SLC22A15: variants seen among roughly 807,000 people sequenced by gnomAD.
The protein encoded by SLC22A15 is solute carrier family 22 member 15, also known as flipt 1.
Under a neutral mutation model 62.7 loss-of-function variants are expected in SLC22A15, and 45 were observed. That is an observed-to-expected ratio of 0.72 (90% CI 0.56 to 0.92). The LOEUF (loss-of-function observed/expected upper bound fraction) is 0.92, where lower values mean the gene tolerates loss of function less well. Ranked by LOEUF, SLC22A15 falls within the 40% of genes least tolerant of loss-of-function variation. The probability of loss-of-function intolerance (pLI) is 0.00; values close to 1 mark genes in which losing one functional copy is unlikely to be tolerated. For synonymous variants in SLC22A15, 264 were observed against 267.0 expected, an observed-to-expected ratio of 0.99 and a Z score of 0.11; for missense variants, 622 against 665.6, an observed-to-expected ratio of 0.93 and a Z score of 0.72.
chr1:115,999,014 C>T (rs982875281), intron 2 of SLC22A15, among the ~76,000 whole-genome samples: 1 of 152,014 alleles, frequency 6.6e-6, no homozygotes, highest in African/African-American at 2.4e-5. Context: ...AAATTTTCTT[C>T]TTAATTTCTT....
intron 8 of SLC22A15, among the ~76,000 whole-genome samples, chr1:116,046,539 G>A (rs902168279): frequency 5.9e-5 from 9 of 152,178 alleles, no homozygotes; most frequent in East Asian, 1.9e-4. Context: ...TCATCATGGC[G>A]GACAGAAAGC....
intron 2 of SLC22A15, among the ~76,000 whole-genome samples, chr1:116,004,899 G>T (rs1655902214): frequency 6.6e-6 from 1 of 152,094 alleles, no homozygotes; most frequent in African/African-American, 2.4e-5. Flanking sequence ...AGTTGTGGTT[G>T]TTTGTACTTT....
chr1:115,977,400 T>C (rs1239262897), intron 1 of SLC22A15, among the ~76,000 whole-genome samples: 2 of 152,232 alleles, frequency 1.3e-5, no homozygotes, highest in Non-Finnish European at 2.9e-5. Flanking sequence ...CAGAACCTAC[T>C]TGTACACCCC....
Position 116,026,898 on chromosome 1 carries a change from A to G in SLC22A15, c.604A>G (p.Ile202Val). The G allele has an allele frequency of 6.2e-7, 1 of 1,612,974 alleles. No individual in the cohort carries two copies. The highest frequency in any genetic ancestry group is 1.1e-5 in the South Asian group (1 of 91,012). ...TTCTCTTTTCCCTGAATTAGGATCG[A>G]TTGGCGGCCTGTTCTTTGCAGTTGG... ...GTAYWALAGS[I>V]GGLFFAVGIA... Residue 202 changes from isoleucine to valine, a missense_variant, in exon 5 of 12, where the codon ATT becomes GTT. Transcript: ENST00000369503.
chr1:116,018,847 C>A (rs1285681281), intron 2 of SLC22A15, among the ~76,000 whole-genome samples: 1 of 152,194 alleles, frequency 6.6e-6, no homozygotes, highest in African/African-American at 2.4e-5. Context: ...GATACTAGAA[C>A]TTATTCTTCC....
chr1:116,059,219 T>C (rs1417297887), intron 8 of SLC22A15, among the ~76,000 whole-genome samples: 1 of 152,198 alleles, frequency 6.6e-6, no homozygotes, highest in African/African-American at 2.4e-5. Context: ...GTAACTCATA[T>C]ACATTGCTAG....
rs894293828 is a variant in SLC22A15 at position 115,976,556 on chromosome 1, G to T, written c.-72G>T. The T allele has an allele frequency of 1.6e-6, 2 of 1,220,848 alleles. No individual in the cohort carries two copies. The highest frequency in any genetic ancestry group is 2.3e-6 in the Non-Finnish European group (2 of 885,152). The allele number at this position is 1,220,848 out of a possible 1,614,324, so 75.6% of individuals were successfully genotyped here. A position where few individuals can be genotyped will look rare whatever the true frequency, so the allele number is the denominator to read the frequency against. On this transcript the variant is annotated 5_prime_UTR_variant, in exon 1 of 12. Coordinates refer to ENST00000369503, the MANE Select transcript of SLC22A15 (RefSeq NM_018420.3). ...CCAAGCCGGTGCCGGGCGCCCAGGG[G>T]TTGCCGCGCTGGGCGGGAGGGCAGC...
chr1:116,035,099 T>C, intron 6 of SLC22A15, 88 bp from the exon 7 acceptor site: 1 of 1,344,972 alleles, frequency 7.4e-7, no homozygotes, highest in Non-Finnish European at 1.0e-6. Flanking sequence ...ATTGAACCAA[T>C]ATTTGAATCT....
chr1:115,984,018 C>T (rs1265235859), intron 1 of SLC22A15, among the ~76,000 whole-genome samples: 7 of 152,066 alleles, frequency 4.6e-5, no homozygotes, highest in African/African-American at 1.7e-4. Flanking sequence ...GTTCCACCTG[C>T]CAAGTGATGT....
chr1:116,029,639 A>G (rs1657293148), intron 5 of SLC22A15, among the ~76,000 whole-genome samples: 2 of 152,208 alleles, frequency 1.3e-5, no homozygotes, highest in Admixed American at 6.5e-5. Context: ...ACCCTTTGCC[A>G]GGTAGAAATA....
intron 1 of SLC22A15, among the ~76,000 whole-genome samples, chr1:115,989,941 G>A (rs1208729554): frequency 6.6e-6 from 1 of 152,162 alleles, no homozygotes; most frequent in East Asian, 1.9e-4. Context: ...TATTTGCTTT[G>A]GAAGCTCAAA....
At chr1:115,982,971 T>C (rs1387170688) in intron 1 of SLC22A15, among the ~76,000 whole-genome samples, 1 of 152,250 alleles carries the variant, frequency 6.6e-6, no homozygotes, top group African/African-American at 2.4e-5. Flanking sequence ...TCTTTCTGCA[T>C]TCTCTGCAGA....
chr1:115,989,554 G>T (rs959527372), intron 1 of SLC22A15, among the ~76,000 whole-genome samples: 1 of 152,152 alleles, frequency 6.6e-6, no homozygotes, highest in Non-Finnish European at 1.5e-5. Context: ...GCCGAGGCAG[G>T]TGGATCACTG....
intron 1 of SLC22A15, among the ~76,000 whole-genome samples, chr1:115,982,420 G>A (rs1273556360): frequency 6.6e-6 from 1 of 151,812 alleles, no homozygotes; most frequent in African/African-American, 2.4e-5. Flanking sequence ...CATCTTTTTT[G>A]CAGAAATGTG....
intron 8 of SLC22A15, among the ~76,000 whole-genome samples, chr1:116,057,114 G>C (rs1267084914): frequency 1.2e-4 from 18 of 151,928 alleles, no homozygotes; most frequent in Non-Finnish European, 2.1e-4. Flanking sequence ...TCAGAGTGAA[G>C]AGGCAACCTA....
intron 2 of SLC22A15, among the ~76,000 whole-genome samples, chr1:116,007,030 A>G (rs1039698040): frequency 2.6e-5 from 4 of 152,134 alleles, no homozygotes; most frequent in African/African-American, 4.8e-5. Context: ...CACCTTGATT[A>G]TAGTTATTGA....
chr1:116,034,613 T>G (rs1240821482), intron 6 of SLC22A15, among the ~76,000 whole-genome samples: 1 of 152,206 alleles, frequency 6.6e-6, no homozygotes, highest in Non-Finnish European at 1.5e-5. Flanking sequence ...CTGTATCATG[T>G]GCACCTGCTG....
chr1:115,999,526 CAG>C (rs1655608133), intron 2 of SLC22A15, among the ~76,000 whole-genome samples: 2 of 141,940 alleles, frequency 1.4e-5, no homozygotes, highest in Non-Finnish European at 3.0e-5. Flanking sequence ...TTTCTGGAGA[CAG>C]AGTCTTGCTC....
rs778488597 is a variant in SLC22A15, at chr1:116,031,444, C to G, written c.807C>G (p.Ala269=). The G allele has an allele frequency of 6.2e-7, 1 of 1,613,906 alleles. No homozygotes were observed. Among genetic ancestry groups the G allele is most frequent in the South Asian group, 1.1e-5 (1 of 91,068 alleles). Reference sequence around the variant, plus strand: ...CTGAAGAGGCGCTGTACCTCATTGCCAAGAGGAACCGCAAACTCAAGTGCA... The same window carrying G: ...CTGAAGAGGCGCTGTACCTCATTGCGAAGAGGAACCGCAAACTCAAGTGCA... The part of the protein sequence containing the change: ...SEAEEALYLI[A]KRNRKLKCTF... The change falls in exon 6 of 12, where the codon GCC becomes GCG. Residue 269 remains alanine (A), a synonymous_variant. Transcript: ENST00000369503.
Sources: allele counts gnomAD v4.1 joint callset (sites outside exome capture counted in the v4.1 genomes callset), GRCh38; gene constraint gnomAD v4.1.1; transcripts MANE v1.5; gene names NCBI Gene and HGNC (gene_info 2026-07-23, HGNC 2026-07-21).